The following PEPD variants were observed in gnomAD, a reference collection of about 807,000 sequenced individuals.
PEPD encodes peptidase D, also known as xaa-Pro dipeptidase.
A neutral mutation model predicts 60.7 loss-of-function variants in PEPD; 53 were observed. That is an observed-to-expected ratio of 0.87 (90% CI 0.70 to 1.10). The LOEUF (loss-of-function observed/expected upper bound fraction) is 1.10, where lower values mean the gene tolerates loss of function less well. Ranked by LOEUF, PEPD falls within the 50% of genes least tolerant of loss-of-function variation. The probability of loss-of-function intolerance (pLI) is 0.00; values close to 1 mark genes in which losing one functional copy is unlikely to be tolerated. For synonymous variants in PEPD, 267 were observed against 284.1 expected (o/e 0.94, Z 0.60); for missense variants, 711 against 711.9 (o/e 1.00, Z 0.01).
intron 9 of PEPD, among the ~76,000 whole-genome samples, chr19:33,436,100 G>C (rs1969370389): frequency 6.6e-6 from 1 of 152,092 alleles, no homozygotes; most frequent in Admixed American, 6.5e-5. Context: ...AAGCAGAGGA[G>C]TGGGAGGAGG....
rs868233750 is a variant in PEPD, at chr19:33,489,605, G to A, written c.503+391C>T. Among the ~76,000 whole-genome samples, 11 of 152,032 alleles carry A rather than the reference G, an allele frequency of 7.2e-5. No individual in the cohort carries two copies. The Middle Eastern group carries it at 0.014, about 189-fold the overall frequency. ...GATCGGGCCATTGCACTCCAGCCTG[G>A]GTGACAGAGCAAGACTCCATCTCAA... On this transcript the variant is annotated intron_variant, in intron 6 of 14. Transcript: ENST00000244137.
chr19:33,442,264 G>A (rs746888038), intron 9 of PEPD, among the ~76,000 whole-genome samples: 9 of 152,150 alleles, frequency 5.9e-5, no homozygotes, highest in Non-Finnish European at 1.2e-4. Flanking sequence ...GCCGGGCATG[G>A]TGGAGGGTGG....
At chr19:33,423,235 A>G (rs1390495284) in intron 9 of PEPD, among the ~76,000 whole-genome samples, 4 of 152,244 alleles carry the variant, frequency 2.6e-5, no homozygotes, top group Non-Finnish European at 4.4e-5. Context: ...AGTCTTTGGT[A>G]TACCTCTGTT....
At chr19:33,486,508 G>A (rs144297275) in intron 6 of PEPD, among the ~76,000 whole-genome samples, 8 of 152,092 alleles carry the variant, frequency 5.3e-5, no homozygotes, top group African/African-American at 1.7e-4. Flanking sequence ...TGAGCCCAGG[G>A]GCCTCAGTCC....
chr19:33,505,857 A>G (rs1227906175), intron 3 of PEPD, among the ~76,000 whole-genome samples: 1 of 131,348 alleles, frequency 7.6e-6, no homozygotes, highest in East Asian at 2.5e-4. Flanking sequence ...GCATACTCAC[A>G]CCCACCACAC....
chr19:33,521,703 T>A, intron 1 of PEPD, 41 bp downstream of exon 1: 1 of 1,569,036 alleles, frequency 6.4e-7, no homozygotes, highest in Non-Finnish European at 8.6e-7. Context: ...CATGCCCCTC[T>A]CCACGCCAGC....
chr19:33,458,829 GC>G (rs1969874054), intron 9 of PEPD, among the ~76,000 whole-genome samples: 1 of 116,450 alleles, frequency 8.6e-6, no homozygotes, highest in Admixed American at 1.2e-4. Flanking sequence ...TGTGGAGTGC[GC>G]AGGATGTGTG....
chr19:33,391,192 C>G, intron 13 of PEPD, 103 bp downstream of exon 13: 1 of 943,462 alleles, frequency 1.1e-6, no homozygotes, highest in Non-Finnish European at 1.7e-6. Context: ...TCCCTGCCAT[C>G]CCAATACACG....
intron 9 of PEPD, among the ~76,000 whole-genome samples, chr19:33,461,982 G>A (rs1460076849): frequency 1.3e-5 from 2 of 152,182 alleles, no homozygotes; most frequent in African/African-American, 4.8e-5. Context: ...CTCCTTCCAG[G>A]GCAAGACCTT....
At chr19:33,407,069 T>C (rs961382949) in intron 11 of PEPD, among the ~76,000 whole-genome samples, 2 of 152,168 alleles carry the variant, frequency 1.3e-5, no homozygotes, top group Non-Finnish European at 2.9e-5. Context: ...GCATCCCGAC[T>C]GGGACAACCA....
intron 7 of PEPD, among the ~76,000 whole-genome samples, chr19:33,476,730 C>G (rs113129259): frequency 1.3e-5 from 2 of 152,054 alleles, no homozygotes; most frequent in Admixed American, 1.3e-4. Flanking sequence ...GTGGCGTGAT[C>G]TCAGCTCACT....
intron 5 of PEPD, among the ~76,000 whole-genome samples, chr19:33,491,020 T>C (rs774487471): frequency 6.6e-6 from 1 of 152,192 alleles, no homozygotes; most frequent in Non-Finnish European, 1.5e-5. Context: ...TGATGTCTAA[T>C]TGTATATCTA....
Position 33,471,785 on chromosome 19 carries a change from G to A in PEPD, c.548+6261C>T, listed in dbSNP as rs367652929. Among the ~76,000 whole-genome samples the A allele has an allele frequency of 2.0e-5, 3 of 152,336 alleles. No individual in the cohort carries two copies. The South Asian group carries it at 6.2e-4, about 32-fold the overall frequency. ...GGCACCTTGGGAGGCCAAGGCTAGA[G>A]GATCTAAGGCCAAGGCTGAGCACAG... On this transcript the variant is annotated intron_variant, in intron 7 of 14. Transcript: ENST00000244137.
chr19:33,499,563 A>T (rs1425019743), intron 4 of PEPD, among the ~76,000 whole-genome samples: 1 of 152,178 alleles, frequency 6.6e-6, no homozygotes, highest in African/African-American at 2.4e-5. Context: ...GACGTTCAAG[A>T]CAAATACAAG....
intron 3 of PEPD, among the ~76,000 whole-genome samples, chr19:33,509,094 T>TCA (rs1970870999): frequency 6.6e-6 from 1 of 152,162 alleles, no homozygotes; most frequent in Admixed American, 6.5e-5. Context: ...CCTGCACAGG[T>TCA]CACACCAGCA....
rs575076607 is a variant in PEPD at position 33,464,002 on chromosome 19, G to A, written c.609C>T (p.Ser203=). ...CCTGACTTACCTCACGGTGGGCCTC[G>A]CTGGAGATTTTATTGGTATAGCGCA... is the stretch of plus-strand genomic sequence containing the variant. ...EVLRYTNKIS[S]EAHREVMKAV... is the part of the protein sequence containing the mutation. The change falls in exon 8 of 15, where the codon AGC becomes AGT. Residue 203 remains serine, a synonymous_variant. Coordinates refer to ENST00000244137, the MANE Select transcript of PEPD (RefSeq NM_000285.4). The A allele has an allele frequency of 2.7e-5, 43 of 1,610,910 alleles. No individual in the cohort carries two copies. The African/African-American group carries it at 3.2e-4, about 12-fold the overall frequency.
At position 33,387,312 on chromosome 19, in the gene PEPD, G is replaced by A. The variant is rs1283567252; in HGVS notation, c.*32C>T. On this transcript the variant is annotated 3_prime_UTR_variant, in exon 15 of 15. Transcript: ENST00000244137. The stretch of plus-strand genomic sequence containing the variant: ...TCACGAAAAGAGGTTGCAAGGCCAG[G>A]CCCCCAGGTGCGCTGGGATTTCTGG... The A allele has an allele frequency of 6.2e-7, 1 of 1,612,412 alleles. No individual in the cohort carries two copies. The highest frequency in any genetic ancestry group is 8.5e-7 in the Non-Finnish European group (1 of 1,179,352).
At chr19:33,464,389 TCA>T (rs1969981676) in intron 7 of PEPD, among the ~76,000 whole-genome samples, 1 of 152,132 alleles carries the variant, frequency 6.6e-6, no homozygotes, top group Non-Finnish European at 1.5e-5. Flanking sequence ...TCCCTCAACC[TCA>T]GTTTCCCCAT....
intron 3 of PEPD, among the ~76,000 whole-genome samples, chr19:33,510,249 G>A (rs1443157171): frequency 1.3e-5 from 2 of 152,260 alleles, no homozygotes; most frequent in Non-Finnish European, 2.9e-5. Context: ...AGTTGAATTA[G>A]AGAAAACGAC....
Sources: gnomAD v4.1 joint callset for allele counts (sites outside exome capture counted in the v4.1 genomes callset) on GRCh38, gnomAD v4.1.1 for gene constraint, MANE v1.5 for transcripts, NCBI Gene and HGNC (gene_info 2026-07-23, HGNC 2026-07-21) for gene names.